Variants in ACAN observed in about 807,000 individuals in gnomAD.
The protein encoded by ACAN is aggrecan.
Under a neutral mutation model 169.1 loss-of-function variants are expected in ACAN, and 47 were observed. The observed-to-expected ratio is 0.28, with a 90% CI of 0.22 to 0.35. The LOEUF is 0.35. Ranked by LOEUF, ACAN falls within the 10% of genes least tolerant of loss-of-function variation. The pLI is 1.00. For synonymous variants in ACAN, 1,115 were observed against 1,112.2 expected (o/e 1.00, Z -0.05); for missense variants, 2,716 against 2,759.9 (o/e 0.98, Z 0.36).
chr15:88,845,578 G>C lies in ACAN; in HGVS notation c.1125G>C (p.Val375=). The C allele has an allele frequency of 1.2e-6, 2 of 1,613,988 alleles. No individual in the cohort carries two copies. Among genetic ancestry groups the C allele is most frequent in the Non-Finnish European group, 1.7e-6 (2 of 1,179,890 alleles). Residue 375 remains valine (V), a synonymous_variant, in exon 7 of 19, where the codon GTG becomes GTC. Coordinates refer to ENST00000560601, the MANE Select transcript of ACAN (RefSeq NM_001369268.1). ...GGEEDITVQT[V]TWPDMELPLP... is the part of the protein sequence containing the mutation. Reference sequence around the variant, plus strand: ...AGGAGGACATCACCGTCCAGACAGTGACCTGGCCTGACATGGAGCTGCCAC... The same window carrying C: ...AGGAGGACATCACCGTCCAGACAGTCACCTGGCCTGACATGGAGCTGCCAC...
chr15:88,827,404 T>C (rs1277483298), intron 1 of ACAN, among the ~76,000 whole-genome samples: 2 of 152,394 alleles, frequency 1.3e-5, no homozygotes, highest in African/African-American at 4.8e-5. Flanking sequence ...TACAGCATCA[T>C]TTAAATTAGA....
At chr15:88,840,318 G>A in intron 4 of ACAN, 132 bp downstream of exon 4, 2 of 1,179,794 alleles carry the variant, frequency 1.7e-6, no homozygotes. Context: ...TAGGTTAGAG[G>A]CCGTGGTCAC....
chr15:88,820,563 T>TGTTC (rs1195661873), intron 1 of ACAN, among the ~76,000 whole-genome samples: 1 of 152,176 alleles, frequency 6.6e-6, no homozygotes, highest in Non-Finnish European at 1.5e-5. Context: ...CTGCCTTGTG[T>TGTTC]GTTCAGTCTC....
At chr15:88,804,549 C>T (rs867025010) in intron 1 of ACAN, among the ~76,000 whole-genome samples, 1 of 152,176 alleles carries the variant, frequency 6.6e-6, no homozygotes, top group Non-Finnish European at 1.5e-5. Flanking sequence ...CACACGACCA[C>T]GAGCGGTTTT....
At chr15:88,841,496 A>G (rs1306666613) in intron 4 of ACAN, among the ~76,000 whole-genome samples, 1 of 55,820 alleles carries the variant, frequency 1.8e-5, no homozygotes, top group African/African-American at 1.2e-4. Context: ...CCTTTTATAG[A>G]AAAAAATATG....
Position 88,838,801 on chromosome 15 carries a change from C to T in ACAN, c.209C>T (p.Ala70Val). 2 of 1,614,016 alleles carry T rather than the reference C, an allele frequency of 1.2e-6. No individual in the cohort carries two copies. The highest frequency in any genetic ancestry group is 1.7e-6 in the Non-Finnish European group (2 of 1,179,900). Reference protein sequence around the residue: ...VTTAPSTAPLAPRIKWSRVSK... With the variant: ...VTTAPSTAPLVPRIKWSRVSK... ...ACCGCCCCTTCTACCGCCCCACTGG[C>T]CCCAAGAATCAAGTGGAGCCGTGTG... is the stretch of plus-strand genomic sequence containing the variant. The change falls in exon 3 of 19, where the codon GCC becomes GTC. Residue 70 changes from alanine (A) to valine (V), a missense_variant. Coordinates refer to ENST00000560601, the MANE Select transcript of ACAN (RefSeq NM_001369268.1). This position sits in a 1 kb window ranked among gnomAD's most constrained non-coding sequence, Gnocchi z 5.1.
intron 10 of ACAN, chr15:88,850,961 A>C (rs991201079): frequency 4.0e-5 from 6 of 151,708 alleles, no homozygotes; most frequent in African/African-American, 1.5e-4. Flanking sequence ...AAAAAAAAAA[A>C]TTCAAAGTTC....
At chr15:88,833,082 G>A (rs1213393745) in intron 1 of ACAN, among the ~76,000 whole-genome samples, 2 of 152,184 alleles carry the variant, frequency 1.3e-5, no homozygotes, top group African/African-American at 4.8e-5. Context: ...GAGAGTGGGT[G>A]AGCTGCCTGT....
rs938912943 is a variant in ACAN at position 88,807,408 on chromosome 15, ATAACT to A, written c.-8+3603_-8+3607del. Among the ~76,000 whole-genome samples the A allele has an allele frequency of 7.2e-5, 11 of 152,272 alleles. 1 individual carries two copies. The highest frequency in any genetic ancestry group is 2.6e-4 in the African/African-American group (11 of 41,556). On this transcript the variant is annotated intron_variant, in intron 1 of 18. Transcript: ENST00000560601. This position sits in a 1 kb window ranked among gnomAD's most constrained non-coding sequence, Gnocchi z 4.0. ...TGATGGTAGCCGCACTGCCGCCCTG[ATAACT>A]TAAAGGAAGCCCCTTCAATGGGATG...
Position 88,838,154 on chromosome 15 carries a change from G to A in ACAN, c.71-509G>A, listed in dbSNP as rs1896553699. Among the ~76,000 whole-genome samples, 1 of 152,052 alleles carries A rather than the reference G, an allele frequency of 6.6e-6. No individual in the cohort carries two copies. Among genetic ancestry groups the A allele is most frequent in the Non-Finnish European group, 1.5e-5 (1 of 68,024 alleles). On this transcript the variant is annotated intron_variant, in intron 2 of 18. Transcript: ENST00000560601. This position sits in a 1 kb window ranked among gnomAD's most constrained non-coding sequence, Gnocchi z 5.1. ...GCAGAAGAGAGTGACTTGTCCCGGT[G>A]GCAAAATCAGGCTCGCACCCAAAAG...
At position 88,845,536 on chromosome 15, in the gene ACAN, C is replaced by G; in HGVS notation, c.1083C>G (p.Phe361Leu). The change falls in exon 7 of 19, where the codon TTC (phenylalanine) becomes TTG (leucine). Residue 361 changes from phenylalanine to leucine, a missense_variant. By Grantham distance (22) the Phe-to-Leu change is conservative (BLOSUM62 0). Transcript: ENST00000560601. ...GEDFVDIPEN[F>L]FGVGGEEDIT... ...ACTTTGTGGACATCCCAGAAAACTT[C>G]TTTGGAGTGGGGGGTGAGGAGGACA... is the stretch of plus-strand genomic sequence containing the variant. 6.2e-7 allele frequency: 1 copy of G among 1,612,214 alleles called. No individual in the cohort carries two copies. Among genetic ancestry groups the G allele is most frequent in the African/African-American group, 1.3e-5 (1 of 75,032 alleles).
chr15:88,815,329 T>A (rs1895911809), intron 1 of ACAN, among the ~76,000 whole-genome samples: 2 of 151,090 alleles, frequency 1.3e-5, no homozygotes, highest in South Asian at 4.2e-4. Context: ...GAGGCCGAGG[T>A]GGGAGGATCA....
intron 1 of ACAN, among the ~76,000 whole-genome samples, chr15:88,809,889 A>T (rs1463114032): frequency 1.3e-5 from 2 of 152,234 alleles, no homozygotes; most frequent in Admixed American, 6.5e-5. Context: ...CAGGCATGTC[A>T]TTGAATACCT....
intron 1 of ACAN, among the ~76,000 whole-genome samples, chr15:88,817,557 GA>G (rs11334021): frequency 0.38 from 56,680 of 147,844 alleles, 10,953 homozygotes; most frequent in East Asian, 0.59. Flanking sequence ...GTTCAAGATA[GA>G]AAAAAAAAAA....
chr15:88,849,207 C>A lies in ACAN; in HGVS notation c.1733-231C>A. Among the ~76,000 whole-genome samples the A allele has an allele frequency of 6.6e-6, 1 of 152,252 alleles. No individual in the cohort carries two copies. The highest frequency in any genetic ancestry group is 2.4e-5 in the African/African-American group (1 of 41,540). On this transcript the variant is annotated intron_variant, in intron 9 of 18. Transcript: ENST00000560601. The surrounding 1 kb of genome is among the most constrained non-coding windows in gnomAD (Gnocchi z 5.1). The stretch of plus-strand genomic sequence containing the variant: ...ACGGGAATTTTGCCTTTTTTGGCAC[C>A]GAAAGTCCTATGTACCGGGAAACCC...
chr15:88,870,074 T>C lies in ACAN; in HGVS notation c.7061-1308T>C, dbSNP rs540192508. ...CTCCACCTCTTTCCAGACTGCAGCCTCACCCCTTGGGGAAGGCATTCATAG... is the reference window on the plus strand; with the variant it reads ...CTCCACCTCTTTCCAGACTGCAGCCCCACCCCTTGGGGAAGGCATTCATAG... On this transcript the variant is annotated intron_variant, in intron 14 of 18. Transcript: ENST00000560601. This position sits in a 1 kb window ranked among gnomAD's most constrained non-coding sequence, Gnocchi z 6.3. 6.6e-6 allele frequency among the ~76,000 whole-genome samples: 1 copy of C among 152,268 alleles called. No homozygotes were observed. Among genetic ancestry groups the C allele is most frequent in the East Asian group, 1.9e-4 (1 of 5,184 alleles).
At position 88,841,835 on chromosome 15, in the gene ACAN, A is replaced by G. The variant is rs1285750375; in HGVS notation, c.725A>G (p.Tyr242Cys). ...GGCATCCGAGACACCAACGAGACCTATGATGTGTACTGCTTCGCCGAGGAG... is the reference window on the plus strand; with the variant it reads ...GGCATCCGAGACACCAACGAGACCTGTGATGTGTACTGCTTCGCCGAGGAG... Reference protein sequence around the residue: ...TYGIRDTNETYDVYCFAEEME... With the variant: ...TYGIRDTNETCDVYCFAEEME... Residue 242 changes from tyrosine (Y) to cysteine (C), a missense_variant, in exon 5 of 19, where the codon TAT becomes TGT. By Grantham distance (194) the Tyr-to-Cys change is radical. Around this residue, in one of 3 missense-constraint regions of ACAN, gnomAD observed 1,283 missense variants for 1,281.5 expected, o/e 1.00. Transcript: ENST00000560601. 1 of 1,613,146 alleles carries G rather than the reference A, an allele frequency of 6.2e-7. No individual in the cohort carries two copies. Among genetic ancestry groups the G allele is most frequent in the Non-Finnish European group, 8.5e-7 (1 of 1,179,664 alleles).
At position 88,857,988 on chromosome 15, in the gene ACAN, G is replaced by T. The variant is rs1160610352; in HGVS notation, c.5403G>T (p.Gly1801=). 1.2e-6 allele frequency: 2 copies of T among 1,613,942 alleles called. No individual in the cohort carries two copies. Among genetic ancestry groups the T allele is most frequent in the Non-Finnish European group, 1.7e-6 (2 of 1,179,892 alleles). ...GVPDLSGQPS[G]LPGFSGATSG... ...CTGATCTCAGTGGGCAGCCTTCAGG[G>T]TTACCAGGGTTCAGTGGGGCAACAT... is the stretch of plus-strand genomic sequence containing the variant. The change falls in exon 12 of 19, where the codon GGG becomes GGT. Residue 1801 remains glycine (G), a synonymous_variant. Transcript: ENST00000560601.
chr15:88,833,146 C>A (rs1896407050), intron 1 of ACAN, among the ~76,000 whole-genome samples: 1 of 152,178 alleles, frequency 6.6e-6, no homozygotes, highest in Non-Finnish European at 1.5e-5. Context: ...GGTAGACAAC[C>A]ATGGGGTAGA....
Sources: gnomAD v4.1 joint callset for allele counts (sites outside exome capture counted in the v4.1 genomes callset) on GRCh38, gnomAD v4.1.1 for gene constraint, gnomAD v4.1.1 regional missense constraint, Gnocchi (gnomAD v3.1) non-coding constraint, MANE v1.5 for transcripts, NCBI Gene and HGNC (gene_info 2026-07-23, HGNC 2026-07-21) for gene names.